Variants in MED24 observed in about 807,000 individuals in gnomAD.
MED24 encodes the protein mediator complex subunit 24, also known as mediator of RNA polymerase II transcription subunit 24.
Under a neutral mutation model 118.8 loss-of-function variants are expected in MED24, and 74 were observed. That is an observed-to-expected ratio of 0.62 (90% CI 0.52 to 0.76). MED24 has a LOEUF of 0.76. MED24 is among the 30% of genes least tolerant of loss of function. MED24 has a pLI of 0.00. For missense variants in MED24, 1,041 were observed against 1,278.9 expected, an observed-to-expected ratio of 0.81 and a Z score of 2.84; for synonymous variants, 521 against 523.9, an observed-to-expected ratio of 0.99 and a Z score of 0.08.
At chr17:40,038,946 G>C (rs897450872) in intron 3 of MED24, among the ~76,000 whole-genome samples, 8 of 152,178 alleles carry the variant, frequency 5.3e-5, no homozygotes, top group Non-Finnish European at 7.3e-5. Context: ...AGAAAGCTGG[G>C]AGCCTGCCTG....
chr17:40,044,329 C>T lies in MED24; in HGVS notation c.214-8175G>A, dbSNP rs561294761. ...GAGGTCAGGAGCTTGAGAACAGCCTCGCTAACATGGAGAATCCCCGTATCT... is the reference window on the plus strand; with the variant it reads ...GAGGTCAGGAGCTTGAGAACAGCCTTGCTAACATGGAGAATCCCCGTATCT... On this transcript the variant is annotated intron_variant, in intron 3 of 25. Transcript: ENST00000394128. 2.9e-4 allele frequency among the ~76,000 whole-genome samples: 44 copies of T among 151,554 alleles called. 1 individual carries two copies. Among genetic ancestry groups the T allele is most frequent in the African/African-American group, 9.0e-4 (37 of 41,304 alleles).
chr17:40,042,227 T>C (rs1439543292), intron 3 of MED24, among the ~76,000 whole-genome samples: 1 of 152,224 alleles, frequency 6.6e-6, no homozygotes, highest in Non-Finnish European at 1.5e-5. Context: ...ATAGGATTTT[T>C]ATGGTAACTT....
Position 40,026,685 on chromosome 17 carries a change from C to T in MED24, c.1771G>A (p.Ala591Thr). The part of the protein sequence containing the change: ...ISAAILEILN[A>T]WENGVLAFES... ...AAGGCCAGGACCCCATTCTCCCAGG[C>T]ATTGAGGATTTCCAAGATGGCGGCT... The change falls in exon 18 of 26, where the codon GCC (alanine) becomes ACC (threonine). Residue 591 changes from alanine (A) to threonine (T), a missense_variant. By Grantham distance (58) the Ala-to-Thr change is moderately conservative. This residue lies in a region of MED24 where 587 missense variants were observed against 694.4 expected (regional missense o/e 0.85). Transcript: ENST00000394128. 3 of 1,612,240 alleles carry T rather than the reference C, an allele frequency of 1.9e-6. No individual in the cohort carries two copies. The highest frequency in any genetic ancestry group is 1.7e-6 in the Non-Finnish European group (2 of 1,179,134).
chr17:40,028,927 C>T lies in MED24; in HGVS notation c.1308G>A (p.Leu436=). Residue 436 remains leucine (L), a synonymous_variant, in exon 14 of 26, where the codon CTG becomes CTA. Transcript: ENST00000394128. ...ADHSKSPEGL[L]GVLGHMLSGK... is the part of the protein sequence containing the mutation. ...CGGACAGCATGTGGCCCAGGACTCC[C>T]AGCAGTCCCTCCGGTGACTTAGAGT... 1.2e-6 allele frequency: 2 copies of T among 1,614,226 alleles called. No homozygotes were observed. The highest frequency in any genetic ancestry group is 1.7e-6 in the Non-Finnish European group (2 of 1,180,022).
intron 12 of MED24, among the ~76,000 whole-genome samples, chr17:40,030,141 C>T (rs1259256366): frequency 1.3e-5 from 2 of 151,952 alleles, no homozygotes; most frequent in Non-Finnish European, 2.9e-5. Context: ...GCTGGGCGCT[C>T]ACCACCACGC....
rs1279260720 is a variant in MED24, at chr17:40,033,402, T to C, written c.614A>G (p.Asn205Ser). Residue 205 changes from asparagine (N) to serine (S), a missense_variant, in exon 7 of 26, where the codon AAT becomes AGT. By Grantham distance (46) the Asn-to-Ser change is conservative. Around this residue, in one of 3 missense-constraint regions of MED24, gnomAD observed 434 missense variants for 514.9 expected, o/e 0.84. Transcript: ENST00000394128. The surrounding 1 kb of genome is among the most constrained non-coding windows in gnomAD (Gnocchi z 5.2). Reference sequence around the variant, plus strand: ...ACTCCGGAGCTGCGGGTTGCTGAGATTGGCCAGGATCTCTCCAAGTTTCAA... The same window carrying C: ...ACTCCGGAGCTGCGGGTTGCTGAGACTGGCCAGGATCTCTCCAAGTTTCAA... Reference protein sequence around the residue: ...SLLKLGEILANLSNPQLRSQA... With the variant: ...SLLKLGEILASLSNPQLRSQA... 7.4e-6 allele frequency: 12 copies of C among 1,611,122 alleles called. No homozygotes were observed. The highest frequency in any genetic ancestry group is 1.3e-5 in the African/African-American group (1 of 74,882).
intron 24 of MED24, 162 bp from the exon 25 acceptor site, chr17:40,020,095 G>A: frequency 2.0e-6 from 2 of 1,006,782 alleles, no homozygotes; most frequent in Non-Finnish European, 3.0e-6. Context: ...ATTGGGGAGG[G>A]GAGGAGGGGG....
At chr17:40,019,683 G>C in intron 25 of MED24, 38 bp from the exon 26 acceptor site, 1 of 1,580,370 alleles carries the variant, frequency 6.3e-7, no homozygotes, top group South Asian at 1.2e-5. Flanking sequence ...CGGGACGGCT[G>C]GTGGTGGGTG....
intron 3 of MED24, among the ~76,000 whole-genome samples, chr17:40,052,460 T>C (rs1376560239): frequency 1.3e-5 from 2 of 152,230 alleles, no homozygotes; most frequent in African/African-American, 4.8e-5. Context: ...CATGTCTATA[T>C]TACCCACTAA....
intron 1 of MED24, chr17:40,053,942 C>T (rs1986092329): frequency 2.0e-6 from 1 of 497,816 alleles, no homozygotes; most frequent in South Asian, 2.6e-5. Flanking sequence ...ACTAGCCTGA[C>T]CAACATGGAG....
At chr17:40,022,344 T>C (rs1177949038) in intron 22 of MED24, 50 bp downstream of exon 22, 2 of 1,539,078 alleles carry the variant, frequency 1.3e-6, no homozygotes, top group Non-Finnish European at 1.8e-6. Flanking sequence ...GGAAATGCTG[T>C]AACAAACCGG....
At chr17:40,040,937 AGATAG>A (rs1318160633) in intron 3 of MED24, among the ~76,000 whole-genome samples, 2 of 151,678 alleles carry the variant, frequency 1.3e-5, no homozygotes, top group East Asian at 3.9e-4. Context: ...TTTTTAGTAG[AGATAG>A]GGTCTATGTT....
chr17:40,053,590 C>A lies in MED24; in HGVS notation c.9G>T (p.Val3=). 6.2e-7 allele frequency: 1 copy of A among 1,614,140 alleles called. No individual in the cohort carries two copies. Among genetic ancestry groups the A allele is most frequent in the South Asian group, 1.1e-5 (1 of 91,080 alleles). MK[V]VNLKQAILQA... ...GCAAAATGGCTTGCTTCAGGTTGACCACCTTCATTATTTCACTCTGAGCAG... is the reference window on the plus strand; with the variant it reads ...GCAAAATGGCTTGCTTCAGGTTGACAACCTTCATTATTTCACTCTGAGCAG... Residue 3 remains valine, a synonymous_variant, in exon 2 of 26, where the codon GTG becomes GTT. Transcript: ENST00000394128.
At position 40,026,637 on chromosome 17, in the gene MED24, G is replaced by A. The variant is rs1266471396; in HGVS notation, c.1809+10C>T. 6.3e-7 allele frequency: 1 copy of A among 1,599,110 alleles called. No individual in the cohort carries two copies. The highest frequency in any genetic ancestry group is 1.7e-5 in the Admixed American group (1 of 58,034). On this transcript the variant is annotated intron_variant, in intron 18 of 25. Coordinates refer to ENST00000394128, the MANE Select transcript of MED24 (RefSeq NM_014815.4). ...CAGGGGAGCAAACGCTGCTGGGAAG[G>A]CGGGGCTACCTGGATGGACTCGAAG...
chr17:40,028,773 C>T (rs1568161472), intron 14 of MED24, 53 bp downstream of exon 14: 2 of 1,602,488 alleles, frequency 1.2e-6, no homozygotes, highest in East Asian at 4.5e-5. Context: ...CTACCTCCTC[C>T]CAACGCGCAG....
At chr17:40,027,887 C>T (rs748041522) in intron 15 of MED24, 22 bp downstream of exon 15, 4 of 1,611,162 alleles carry the variant, frequency 2.5e-6, no homozygotes, top group African/African-American at 1.3e-5. Flanking sequence ...ACTGGGCCTG[C>T]GGATGCACAG....
intron 12 of MED24, 129 bp from the exon 13 acceptor site, chr17:40,029,988 G>T: frequency 1.3e-6 from 1 of 742,240 alleles, no homozygotes. Flanking sequence ...TCCGAGGTTG[G>T]GGTGAAGTTT....
intron 3 of MED24, among the ~76,000 whole-genome samples, chr17:40,052,271 C>T (rs758049180): frequency 6.6e-6 from 1 of 152,092 alleles, no homozygotes; most frequent in African/African-American, 2.4e-5. Context: ...CCAGCCTGGG[C>T]GATAGAGCAA....
At chr17:40,048,728 T>C (rs1301201534) in intron 3 of MED24, among the ~76,000 whole-genome samples, 2 of 152,076 alleles carry the variant, frequency 1.3e-5, no homozygotes, top group African/African-American at 2.4e-5. Context: ...TAATTTTTTG[T>C]ATTTTTAGTA....
Sources: allele counts gnomAD v4.1 joint callset (sites outside exome capture counted in the v4.1 genomes callset), GRCh38; gene constraint gnomAD v4.1.1; regional missense constraint gnomAD v4.1.1; non-coding constraint Gnocchi (gnomAD v3.1); transcripts MANE v1.5; gene names NCBI Gene and HGNC (gene_info 2026-07-23, HGNC 2026-07-21).